The following WDR88 variants were observed in gnomAD, a reference collection of about 807,000 sequenced individuals.
WDR88 encodes the protein WD repeat domain 88.
WDR88 carries 40 observed loss-of-function variants against 46.8 expected under a neutral mutation model. The ratio of observed to expected loss-of-function variants is 0.86; its 90% CI spans 0.66 to 1.11. WDR88 has a LOEUF of 1.11. Ranked by LOEUF, WDR88 falls within the 50% of genes most tolerant of loss-of-function variation. The pLI is 0.00. For synonymous variants in WDR88, 235 were observed against 240.7 expected (o/e 0.98, Z 0.22); for missense variants, 562 against 602.4 (o/e 0.93, Z 0.70).
At chr19:33,169,864 T>C (rs772575283) in intron 9 of WDR88, among the ~76,000 whole-genome samples, 4 of 152,188 alleles carry the variant, frequency 2.6e-5, no homozygotes, top group South Asian at 4.2e-4. Flanking sequence ...AAAATGTGCA[T>C]TATTTATTTA....
chr19:33,156,683 C>A, intron 7 of WDR88, 141 bp downstream of exon 7: 1 of 985,362 alleles, frequency 1.0e-6, no homozygotes, highest in Non-Finnish European at 1.5e-6. Flanking sequence ...GAACAAAAAA[C>A]CCAAGAGGGA....
chr19:33,174,416 G>T (rs1974091309), intron 10 of WDR88: 1 of 1,391,118 alleles, frequency 7.2e-7, no homozygotes, highest in Non-Finnish European at 9.3e-7. Flanking sequence ...TTCTCCAGGG[G>T]ACCATGCATG....
intron 9 of WDR88, among the ~76,000 whole-genome samples, chr19:33,170,948 T>C (rs1027496760): frequency 1.7e-4 from 26 of 152,188 alleles, no homozygotes; most frequent in African/African-American, 6.0e-4. Context: ...AAACACACTA[T>C]AGGTGTGTAT....
chr19:33,136,603 C>T (rs1183068801), intron 1 of WDR88, among the ~76,000 whole-genome samples: 4 of 152,154 alleles, frequency 2.6e-5, no homozygotes, highest in Non-Finnish European at 4.4e-5. Flanking sequence ...CACTCTGTCA[C>T]CCAGGCTGGA....
intron 7 of WDR88, among the ~76,000 whole-genome samples, chr19:33,157,499 ATATATATATATATGTATATATATGTG>A (rs1372120662): frequency 3.6e-5 from 4 of 110,948 alleles, no homozygotes; most frequent in African/African-American, 8.3e-5. Flanking sequence ...CTCTGTCTCA[ATATATATATATATGTATATATATGTG>A]TATATATATA....
At position 33,132,121 on chromosome 19, in the gene WDR88, C is replaced by A; in HGVS notation, c.-49C>A. The stretch of plus-strand genomic sequence containing the variant: ...GCGCGGGCGCGGGCGCGCGGCGCCA[C>A]CGTTCCCATCCAGGCTTGTCGGCGG... On this transcript the variant is annotated 5_prime_UTR_variant, in exon 1 of 11. Coordinates refer to ENST00000355868, the MANE Select transcript of WDR88 (RefSeq NM_173479.4). 6.6e-7 allele frequency: 1 copy of A among 1,516,552 alleles called. No individual in the cohort carries two copies. Among genetic ancestry groups the A allele is most frequent in the Non-Finnish European group, 8.8e-7 (1 of 1,137,278 alleles). 93.9% of individuals were successfully genotyped at this position (1,516,552 alleles called of 1,614,324 possible).
Position 33,172,440 on chromosome 19 carries a change from G to T in WDR88, c.1242G>T (p.Gln414His). The T allele has an allele frequency of 6.2e-7, 1 of 1,612,564 alleles. No individual in the cohort carries two copies. The highest frequency in any genetic ancestry group is 8.5e-7 in the Non-Finnish European group (1 of 1,179,228). ...YKKAVGLKLK[Q>H]CERCDRPFSI... The stretch of plus-strand genomic sequence containing the variant: ...AGGCCGTGGGCTTAAAGTTGAAACA[G>T]GTTGGTATTGGGTAAAATTAAGCCC... The change falls in exon 10 of 11, where the codon CAG becomes CAT. Residue 414 changes from glutamine to histidine, a missense_variant and splice_region_variant. Gln to His is a conservative substitution (Grantham distance 24). Transcript: ENST00000355868.
intron 7 of WDR88, among the ~76,000 whole-genome samples, chr19:33,159,956 G>A (rs1973835634): frequency 6.6e-6 from 1 of 151,648 alleles, no homozygotes; most frequent in African/African-American, 2.4e-5. Context: ...AGATCATCAG[G>A]CATTAGATTC....
At chr19:33,134,050 A>C (rs201561836) in intron 1 of WDR88, among the ~76,000 whole-genome samples, 11 of 152,228 alleles carry the variant, frequency 7.2e-5, no homozygotes, top group Non-Finnish European at 1.6e-4. Flanking sequence ...GGAATATGTG[A>C]ATGAACGCTA....
chr19:33,142,600 C>A (rs116554225), intron 2 of WDR88, among the ~76,000 whole-genome samples: 18 of 151,872 alleles, frequency 1.2e-4, no homozygotes, highest in African/African-American at 3.9e-4. Flanking sequence ...AGATTAGGGT[C>A]TCTAATCTTG....
chr19:33,174,307 C>T (rs986906640), intron 10 of WDR88: 20 of 1,522,382 alleles, frequency 1.3e-5, no homozygotes, highest in Non-Finnish European at 1.8e-5. Flanking sequence ...GTAGGGTTTA[C>T]CCCCCTCTCC....
At chr19:33,161,393 C>A (rs574174745) in intron 8 of WDR88, among the ~76,000 whole-genome samples, 100 of 152,156 alleles carry the variant, frequency 6.6e-4, no homozygotes, top group African/African-American at 2.3e-3. Flanking sequence ...CATGCTGTGC[C>A]CCTGTTCCCC....
intron 2 of WDR88, among the ~76,000 whole-genome samples, chr19:33,140,334 T>C (rs1973364033): frequency 6.6e-6 from 1 of 152,110 alleles, no homozygotes; most frequent in Non-Finnish European, 1.5e-5. Flanking sequence ...TTTTATATTT[T>C]ATATTGTAGA....
intron 10 of WDR88, among the ~76,000 whole-genome samples, chr19:33,172,905 C>T (rs1391713846): frequency 6.6e-6 from 1 of 151,792 alleles, no homozygotes; most frequent in African/African-American, 2.4e-5. Flanking sequence ...GCCTGGCCAA[C>T]ATGGTTAAGT....
intron 2 of WDR88, among the ~76,000 whole-genome samples, chr19:33,141,105 T>C (rs1973381770): frequency 6.6e-6 from 1 of 151,190 alleles, no homozygotes; most frequent in African/African-American, 2.4e-5. Flanking sequence ...CCTGGCTAAT[T>C]TTTTTGTTTT....
chr19:33,133,188 TAA>T (rs1491284961), intron 1 of WDR88, among the ~76,000 whole-genome samples: 76 of 90,764 alleles, frequency 8.4e-4, no homozygotes, highest in African/African-American at 2.3e-3. Flanking sequence ...AATAAATAAA[TAA>T]ATAAATATAG....
chr19:33,138,944 A>G (rs1253200781), intron 2 of WDR88, among the ~76,000 whole-genome samples: 1 of 151,730 alleles, frequency 6.6e-6, no homozygotes, highest in Non-Finnish European at 1.5e-5. Flanking sequence ...GGCCTCCCAA[A>G]TTGTTGGGAT....
chr19:33,146,679 G>A (rs1973525595), intron 3 of WDR88, among the ~76,000 whole-genome samples: 1 of 152,072 alleles, frequency 6.6e-6, no homozygotes, highest in African/African-American at 2.4e-5. Context: ...CACCATGCCT[G>A]GCTAATTTTT....
chr19:33,168,335 T>C (rs1333410992), intron 9 of WDR88, among the ~76,000 whole-genome samples: 1 of 152,182 alleles, frequency 6.6e-6, no homozygotes, highest in African/African-American at 2.4e-5. Context: ...CCCAAAATTA[T>C]TTCTATTCAT....
Sources: gnomAD v4.1 joint callset for allele counts (sites outside exome capture counted in the v4.1 genomes callset) on GRCh38, gnomAD v4.1.1 for gene constraint, MANE v1.5 for transcripts, NCBI Gene and HGNC (gene_info 2026-07-23, HGNC 2026-07-21) for gene names.